KLHL3: variants seen among roughly 807,000 people sequenced by gnomAD.
The protein encoded by KLHL3 is kelch-like protein 3.
In KLHL3, 19 loss-of-function variants were observed where a neutral mutation model predicts 70.5. That is an observed-to-expected ratio of 0.27 (90% CI 0.19 to 0.40). The LOEUF is 0.40. Ranked by LOEUF, KLHL3 falls within the 10% of genes least tolerant of loss-of-function variation. The pLI, the probability that KLHL3 is intolerant of heterozygous loss-of-function variation, is 1.00. For synonymous variants in KLHL3, 258 were observed against 290.3 expected (o/e 0.89, Z 1.13); for missense variants, 512 against 771.1 (o/e 0.66, Z 3.98).
chr5:137,649,516 C>G lies in KLHL3; in HGVS notation c.903+8615G>C, dbSNP rs527930402. On this transcript the variant is annotated intron_variant, in intron 8 of 14. Transcript: ENST00000309755. ...CCTGAAATAACTGCACCCCGACCAA[C>G]AGCTTGACTGTATGAGAGACCCTGG... 2.0e-5 allele frequency among the ~76,000 whole-genome samples: 3 copies of G among 152,336 alleles called. No homozygotes were observed. The East Asian group carries it at 5.8e-4, about 29-fold the overall frequency.
intron 12 of KLHL3, among the ~76,000 whole-genome samples, chr5:137,632,541 A>T (rs555663561): frequency 6.6e-6 from 1 of 152,330 alleles, no homozygotes; most frequent in South Asian, 2.1e-4. Flanking sequence ...TAAGACCTGA[A>T]ACTATAAAAG....
At chr5:137,634,709 A>C (rs145205656) in intron 11 of KLHL3, among the ~76,000 whole-genome samples, 129 of 152,226 alleles carry the variant, frequency 8.5e-4, no homozygotes, top group African/African-American at 2.9e-3. Context: ...TTCTTTGTAC[A>C]TTGTGGGCCA....
intron 5 of KLHL3, among the ~76,000 whole-genome samples, chr5:137,679,257 A>G (rs989755400): frequency 1.3e-5 from 2 of 151,982 alleles, no homozygotes; most frequent in Non-Finnish European, 2.9e-5. Context: ...TCCCCTGTCA[A>G]TTGGTAACAC....
chr5:137,669,285 T>TATA (rs1352593771), intron 6 of KLHL3, among the ~76,000 whole-genome samples: 7 of 152,162 alleles, frequency 4.6e-5, no homozygotes, highest in Non-Finnish European at 8.8e-5. Flanking sequence ...TCTATGTGAA[T>TATA]ATAAGTTCTG....
Position 137,638,984 on chromosome 5 carries a change from G to A in KLHL3, c.1188C>T (p.Leu396=). The A allele has an allele frequency of 1.9e-6, 3 of 1,614,200 alleles. No homozygotes were observed. The highest frequency in any genetic ancestry group is 1.7e-5 in the Admixed American group (1 of 60,026). ...TGCCATCAAAGCCTCCCACTGCGTA[G>A]AGCAAGTCATTGAGCACCGCTGCGC... ...TLGAAVLNDL[L]YAVGGFDGST... Residue 396 remains leucine, a synonymous_variant, in exon 10 of 15, where the codon CTC becomes CTT. Transcript: ENST00000309755.
chr5:137,725,141 T>G (rs1471715269), intron 1 of KLHL3: 1 of 789,730 alleles, frequency 1.3e-6, no homozygotes, highest in African/African-American at 1.9e-5. Context: ...CATTCTCAGT[T>G]CTTATTTCCA....
rs774852860 is a variant in KLHL3 at position 137,628,434 on chromosome 5, A to G, written c.1454T>C (p.Val485Ala). 1 of 1,614,044 alleles carries G rather than the reference A, an allele frequency of 6.2e-7. No homozygotes were observed. Among genetic ancestry groups the G allele is most frequent in the South Asian group, 1.1e-5 (1 of 91,066 alleles). The change falls in exon 13 of 15, where the codon GTT becomes GCT. Residue 485 changes from valine (V) to alanine (A), a missense_variant. Val to Ala is a moderately conservative substitution (Grantham distance 64, BLOSUM62 0). Transcript: ENST00000309755. ...DMSTRRSGAG[V>A]GVLSGQLYAT... is the part of the protein sequence containing the mutation. ...GTACAGCTGTCCGCTAAGCACTCCA[A>G]CCCCTGAAAGGCAGAGCACAGCATC... is the stretch of plus-strand genomic sequence containing the variant.
chr5:137,699,934 C>T (rs907416541), intron 3 of KLHL3, among the ~76,000 whole-genome samples: 1 of 152,180 alleles, frequency 6.6e-6, no homozygotes, highest in African/African-American at 2.4e-5. Flanking sequence ...ATCCAAAGTC[C>T]CATCCTGACA....
chr5:137,711,127 A>C (rs562413197), intron 2 of KLHL3, among the ~76,000 whole-genome samples: 55 of 152,350 alleles, frequency 3.6e-4, no homozygotes, highest in Admixed American at 5.9e-4. Context: ...TCTGTGTGAG[A>C]ATGTTGAGGC....
chr5:137,639,096 A>G lies in KLHL3; in HGVS notation c.1076T>C (p.Leu359Pro). The G allele has an allele frequency of 6.2e-7, 1 of 1,614,082 alleles. No homozygotes were observed. Among genetic ancestry groups the G allele is most frequent in the South Asian group, 1.1e-5 (1 of 91,058 alleles). The change falls in exon 10 of 15, where the codon CTG (leucine) becomes CCG (proline). Residue 359 changes from leucine to proline, a missense_variant. Leu to Pro is a moderately conservative substitution (Grantham distance 98). Coordinates refer to ENST00000309755, the MANE Select transcript of KLHL3 (RefSeq NM_017415.3). This position sits in a 1 kb window ranked among gnomAD's most constrained non-coding sequence, Gnocchi z 5.0. ...ATACACATCCACTGTCCGCACCCGC[A>G]GTGAGCCATTAAACCCTCCCACGGC... The part of the protein sequence containing the change: ...VYAVGGFNGS[L>P]RVRTVDVYDG...
intron 8 of KLHL3, among the ~76,000 whole-genome samples, chr5:137,645,459 G>A (rs1012353950): frequency 1.3e-5 from 2 of 151,930 alleles, no homozygotes; most frequent in African/African-American, 4.8e-5. Flanking sequence ...TTGGCAAAGT[G>A]GCAGGATACA....
At chr5:137,724,891 G>A (rs565832152) in intron 1 of KLHL3, among the ~76,000 whole-genome samples, 3 of 152,308 alleles carry the variant, frequency 2.0e-5, no homozygotes, top group Admixed American at 2.0e-4. Flanking sequence ...TGGGATCTGA[G>A]TTTAGGTATC....
intron 6 of KLHL3, among the ~76,000 whole-genome samples, chr5:137,664,249 T>C (rs1198961761): frequency 6.6e-6 from 1 of 150,962 alleles, no homozygotes; most frequent in African/African-American, 2.4e-5. Flanking sequence ...ACTAGTGAGG[T>C]TGAGGTGGGA....
rs1750266927 is a variant in KLHL3, at chr5:137,620,617, A to G, written c.*1481T>C. ...ATGAGCAATTTGCTAGTTTAGGAAC[A>G]GCACAACTTTAAGGTTTTTTAAATA... On this transcript the variant is annotated 3_prime_UTR_variant, in exon 15 of 15. Transcript: ENST00000309755. The G allele has an allele frequency of 6.6e-6, 1 of 152,256 alleles. No individual in the cohort carries two copies. Among genetic ancestry groups the G allele is most frequent in the Admixed American group, 6.5e-5 (1 of 15,290 alleles). The allele number at this position is 152,256 out of a possible 1,614,324, so 9.4% of individuals were successfully genotyped here.
At chr5:137,669,123 G>A (rs1167059981) in intron 6 of KLHL3, among the ~76,000 whole-genome samples, 1 of 152,074 alleles carries the variant, frequency 6.6e-6, no homozygotes, top group Non-Finnish European at 1.5e-5. Context: ...GAAGTCATTT[G>A]CCTGACATTA....
intron 8 of KLHL3, among the ~76,000 whole-genome samples, chr5:137,648,045 T>C (rs1278376219): frequency 6.6e-6 from 1 of 152,234 alleles, no homozygotes; most frequent in Non-Finnish European, 1.5e-5. Flanking sequence ...CTAAATGTTA[T>C]CTGATTAACA....
rs572942867 is a variant in KLHL3 at position 137,664,164 on chromosome 5, C to A, written c.637-2133G>T. On this transcript the variant is annotated intron_variant, in intron 6 of 14. Coordinates refer to ENST00000309755, the MANE Select transcript of KLHL3 (RefSeq NM_017415.3). ...CCCAGGAGTTCAAGACCAGCCTGGG[C>A]AACATGGCAAAACCCTATCTCTACA... Among the ~76,000 whole-genome samples the A allele has an allele frequency of 7.3e-5, 11 of 151,480 alleles. 1 individual carries two copies. The highest frequency in any genetic ancestry group is 6.6e-4 in the Admixed American group (10 of 15,222).
At chr5:137,631,557 A>G (rs1750637784) in intron 12 of KLHL3, among the ~76,000 whole-genome samples, 1 of 152,200 alleles carries the variant, frequency 6.6e-6, no homozygotes, top group Non-Finnish European at 1.5e-5. Context: ...TCAGAGGAAT[A>G]AGACTGATAA....
chr5:137,646,892 T>A (rs1400070452), intron 8 of KLHL3, among the ~76,000 whole-genome samples: 2 of 152,226 alleles, frequency 1.3e-5, no homozygotes, highest in African/African-American at 4.8e-5. Context: ...AGGTGAACAA[T>A]TATGCTAGAC....
Sources: allele counts gnomAD v4.1 joint callset (sites outside exome capture counted in the v4.1 genomes callset), GRCh38; gene constraint gnomAD v4.1.1; non-coding constraint Gnocchi (gnomAD v3.1); transcripts MANE v1.5; gene names NCBI Gene and HGNC (gene_info 2026-07-23, HGNC 2026-07-21).